USP25: variants seen among roughly 807,000 people sequenced by gnomAD.
USP25 encodes ubiquitin carboxyl-terminal hydrolase 25.
A neutral mutation model predicts 158.5 loss-of-function variants in USP25; 85 were observed. The ratio of observed to expected loss-of-function variants is 0.54; its 90% confidence interval spans 0.45 to 0.64. USP25 has a LOEUF of 0.64. USP25 is among the 30% of genes least tolerant of loss of function. USP25 has a pLI of 0.00. For synonymous variants in USP25, 464 were observed against 460.4 expected (o/e 1.01, Z -0.10); for missense variants, 1,242 against 1,327.3 (o/e 0.94, Z 1.00).
chr21:15,850,080 AAAAT>A (rs1167907571), intron 20 of USP25, among the ~76,000 whole-genome samples: 1 of 152,074 alleles, frequency 6.6e-6, no homozygotes, highest in Non-Finnish European at 1.5e-5. Flanking sequence ...ATTCAAGAAA[AAAAT>A]CTTTTTATTT....
intron 22 of USP25, among the ~76,000 whole-genome samples, chr21:15,869,268 TA>T (rs1409031315): frequency 4.6e-5 from 7 of 151,776 alleles, no homozygotes; most frequent in African/African-American, 1.5e-4. Context: ...AAAAAAAGTT[TA>T]TATTCAAGGA....
intron 4 of USP25, among the ~76,000 whole-genome samples, chr21:15,785,173 TA>T (rs1256422599): frequency 2.0e-5 from 3 of 151,800 alleles, no homozygotes; most frequent in Non-Finnish European, 4.4e-5. Context: ...CATTATGTAA[TA>T]ATAAAATAAT....
At chr21:15,809,903 G>A (rs1300677942) in intron 8 of USP25, among the ~76,000 whole-genome samples, 1 of 152,044 alleles carries the variant, frequency 6.6e-6, no homozygotes, top group Non-Finnish European at 1.5e-5. Flanking sequence ...AGTCACAAAA[G>A]GACAGGTACT....
intron 1 of USP25, among the ~76,000 whole-genome samples, chr21:15,745,594 G>A (rs1185280684): frequency 1.3e-5 from 2 of 149,594 alleles, no homozygotes; most frequent in East Asian, 4.0e-4. Context: ...TTCTGCCTCA[G>A]CCTCCTGAGT....
chr21:15,805,852 A>G (rs533504781), intron 7 of USP25, among the ~76,000 whole-genome samples: 4 of 152,340 alleles, frequency 2.6e-5, no homozygotes, highest in South Asian at 2.1e-4. Context: ...TAAGTGTTCA[A>G]AAAGATAGCG....
chr21:15,864,245 A>T, intron 20 of USP25, 23 bp from the exon 21 acceptor site: 1 of 1,589,482 alleles, frequency 6.3e-7, no homozygotes, highest in Non-Finnish European at 8.5e-7. Context: ...AACCAAAATT[A>T]TCATTTTCAT....
In USP25 at chr21:15,805,123, A is replaced by G. The variant is rs2036316550; in HGVS notation, c.645A>G (p.Glu215=). 6.3e-7 allele frequency: 1 copy of G among 1,582,276 alleles called. No individual in the cohort carries two copies. ...NAQDLPRNQK[E]HRNLPFMREL... The stretch of plus-strand genomic sequence containing the variant: ...TTTTTGTTTTTTTCCTTCAATAGGA[A>G]CATCGGAATTTGCCTTTTATGCGTG... Residue 215 remains glutamate, a splice_region_variant and synonymous_variant, in exon 7 of 26, where the codon GAA becomes GAG. Transcript: ENST00000400183.
intron 22 of USP25, 97 bp downstream of exon 22, chr21:15,866,441 T>G: frequency 3.6e-6 from 3 of 827,396 alleles, no homozygotes; most frequent in Non-Finnish European, 5.2e-6. Flanking sequence ...GAATTTGTTA[T>G]GAATGATGAG....
At chr21:15,821,033 A>C (rs1238250401) in intron 10 of USP25, among the ~76,000 whole-genome samples, 1 of 152,042 alleles carries the variant, frequency 6.6e-6, no homozygotes, top group Non-Finnish European at 1.5e-5. Flanking sequence ...TTTGTAGATG[A>C]GTCAGACTCT....
rs1016954121 is a variant in USP25 at position 15,878,944 on chromosome 21, G to A, written c.*469G>A. On this transcript the variant is annotated 3_prime_UTR_variant, in exon 26 of 26. Transcript: ENST00000400183. ...GTAAGCAGGTATATTGTATATTAGT[G>A]TATTAGTAATACTAGATAAATGAAT... 6.5e-6 allele frequency: 1 copy of A among 152,682 alleles called. No individual in the cohort carries two copies. The highest frequency in any genetic ancestry group is 2.4e-5 in the African/African-American group (1 of 41,410). 9.5% of individuals were successfully genotyped at this position (152,682 alleles called of 1,614,324 possible). A position where few individuals can be genotyped will look rare whatever the true frequency, so the allele number is the denominator to read the frequency against.
intron 9 of USP25, among the ~76,000 whole-genome samples, chr21:15,812,063 G>C (rs977064465): frequency 2.0e-5 from 3 of 151,668 alleles, no homozygotes; most frequent in Admixed American, 2.0e-4. Context: ...TGACATGTTC[G>C]TACGTTTTTG....
At chr21:15,801,569 A>G (rs145867035) in intron 6 of USP25, among the ~76,000 whole-genome samples, 1 of 151,716 alleles carries the variant, frequency 6.6e-6, no homozygotes, top group Non-Finnish European at 1.5e-5. Context: ...ATGGATTTAT[A>G]GATAGTTATC....
intron 4 of USP25, among the ~76,000 whole-genome samples, chr21:15,790,500 G>C (rs1017189980): frequency 6.6e-6 from 1 of 151,494 alleles, no homozygotes; most frequent in Admixed American, 6.6e-5. Flanking sequence ...AAATCTTTAG[G>C]ATAAAAATGG....
At chr21:15,835,415 C>A (rs1452909988) in intron 17 of USP25, among the ~76,000 whole-genome samples, 1 of 151,984 alleles carries the variant, frequency 6.6e-6, no homozygotes, top group African/African-American at 2.4e-5. Flanking sequence ...TAGCCTTGCC[C>A]CATCCTCATT....
intron 4 of USP25, among the ~76,000 whole-genome samples, chr21:15,780,118 C>T (rs1402139479): frequency 6.6e-6 from 1 of 152,092 alleles, no homozygotes; most frequent in Non-Finnish European, 1.5e-5. Context: ...TTAACTCCTT[C>T]TTCATTACTG....
chr21:15,761,966 C>T (rs115062903), intron 1 of USP25, among the ~76,000 whole-genome samples: 118 of 152,236 alleles, frequency 7.8e-4, no homozygotes, highest in African/African-American at 2.7e-3. Context: ...GGGTTCGCCA[C>T]TGTTAACACA....
Position 15,847,710 on chromosome 21 carries a change from A to T in USP25, c.2385A>T (p.Val795=). The change falls in exon 19 of 26, where the codon GTA becomes GTT. Residue 795 remains valine (V), a synonymous_variant. Coordinates refer to ENST00000400183, the MANE Select transcript of USP25 (RefSeq NM_001283041.3). ...AACCACTTTCTAATCAGCGAGTTGT[A>T]GAGGTGGCGATCCCTCATGTAGGGA... ...TSQPLSNQRV[V]EVAIPHVGKF... The T allele has an allele frequency of 1.3e-6, 2 of 1,550,208 alleles. No homozygotes were observed. The highest frequency in any genetic ancestry group is 1.7e-6 in the Non-Finnish European group (2 of 1,146,682).
intron 4 of USP25, among the ~76,000 whole-genome samples, chr21:15,783,858 T>C (rs2035116797): frequency 6.6e-6 from 1 of 150,600 alleles, no homozygotes; most frequent in African/African-American, 2.4e-5. Flanking sequence ...TAGTCTCAGC[T>C]ACTTGGGAGG....
rs1277914695 is a variant in USP25 at position 15,805,286 on chromosome 21, T to C, written c.780+28T>C. 1.9e-6 allele frequency: 3 copies of C among 1,553,568 alleles called. No individual in the cohort carries two copies. The South Asian group carries it at 3.7e-5, about 19-fold the overall frequency. On this transcript the variant is annotated intron_variant, in intron 7 of 25. Transcript: ENST00000400183. ...AGTTCTGTTGCACTGACTTGTTCAT[T>C]AACCATTTGTATTTAATCTGAACAA...
Sources: allele counts gnomAD v4.1 joint callset (sites outside exome capture counted in the v4.1 genomes callset), GRCh38; gene constraint gnomAD v4.1.1; transcripts MANE v1.5; gene names NCBI Gene and HGNC (gene_info 2026-07-23, HGNC 2026-07-21).